Variants in TRABD2B observed in about 807,000 individuals in gnomAD.
TRABD2B encodes the protein TraB domain containing 2B.
TRABD2B carries 14 observed loss-of-function variants against 40.1 expected under a neutral mutation model. The observed-to-expected ratio is 0.35, with a 90% CI of 0.23 to 0.55. The LOEUF is 0.55. Among genes scored for constraint, TRABD2B ranks in the 20% least tolerant of loss-of-function variants. The pLI is 0.90. For synonymous variants in TRABD2B, 263 were observed against 277.0 expected (o/e 0.95, Z 0.50); for missense variants, 541 against 648.6 (o/e 0.83, Z 1.80).
chr1:47,955,553 T>G (rs924544456), intron 2 of TRABD2B, among the ~76,000 whole-genome samples: 1 of 152,180 alleles, frequency 6.6e-6, no homozygotes, highest in Non-Finnish European at 1.5e-5. Context: ...CATCACTTCA[T>G]TCCAAACACA....
At chr1:47,983,254 C>G (rs1475488834) in intron 2 of TRABD2B, among the ~76,000 whole-genome samples, 1 of 152,160 alleles carries the variant, frequency 6.6e-6, no homozygotes, top group Admixed American at 6.5e-5. Flanking sequence ...ACTGCATGTT[C>G]TCACTTCCAA....
intron 2 of TRABD2B, among the ~76,000 whole-genome samples, chr1:47,944,518 T>C (rs950578269): frequency 3.9e-5 from 6 of 152,084 alleles, no homozygotes; most frequent in South Asian, 2.1e-4. Flanking sequence ...AAGGAAAAAG[T>C]TGACTGTAGT....
chr1:47,817,904 G>A (rs144493957), intron 2 of TRABD2B, among the ~76,000 whole-genome samples: 1,651 of 152,302 alleles, frequency 0.011, 26 homozygotes, highest in African/African-American at 0.037. Context: ...CTCCACCCCC[G>A]TTTGAAGGGG....
chr1:47,973,400 C>T (rs2148427500), intron 2 of TRABD2B, among the ~76,000 whole-genome samples: 1 of 152,344 alleles, frequency 6.6e-6, no homozygotes, highest in African/African-American at 2.4e-5. Flanking sequence ...ATTCTAATCT[C>T]ACCAGGTAGA....
chr1:47,909,164 C>G (rs969406884), intron 2 of TRABD2B, among the ~76,000 whole-genome samples: 3 of 152,204 alleles, frequency 2.0e-5, no homozygotes, highest in Admixed American at 6.5e-5. Context: ...TGGACACGTT[C>G]TAATTTTCTC....
intron 2 of TRABD2B, chr1:47,819,968 A>G (rs1306960222): frequency 6.6e-6 from 1 of 152,160 alleles, no homozygotes; most frequent in African/African-American, 2.4e-5. Context: ...TTTCTCAATA[A>G]GGTCCACTCA....
intron 6 of TRABD2B, among the ~76,000 whole-genome samples, chr1:47,771,175 G>A (rs1557553083): frequency 6.6e-6 from 1 of 152,216 alleles, no homozygotes; most frequent in South Asian, 2.1e-4. Flanking sequence ...GACTGGCTGT[G>A]CTATGGGGAA....
At chr1:47,905,661 C>T (rs1644666624) in intron 2 of TRABD2B, among the ~76,000 whole-genome samples, 1 of 152,154 alleles carries the variant, frequency 6.6e-6, no homozygotes, top group African/African-American at 2.4e-5. Context: ...TGACATTCTC[C>T]TTTTCTCTCT....
chr1:47,944,375 G>A (rs959385955), intron 2 of TRABD2B, among the ~76,000 whole-genome samples: 1 of 152,166 alleles, frequency 6.6e-6, no homozygotes, highest in African/African-American at 2.4e-5. Flanking sequence ...ATGAAGTAAA[G>A]ACCAATGGGA....
chr1:47,906,622 C>T (rs1450055134), intron 2 of TRABD2B, among the ~76,000 whole-genome samples: 1 of 152,216 alleles, frequency 6.6e-6, no homozygotes, highest in Non-Finnish European at 1.5e-5. Flanking sequence ...ACGGGTAATA[C>T]TGCAACCCTG....
intron 2 of TRABD2B, among the ~76,000 whole-genome samples, chr1:47,812,832 T>C (rs894375486): frequency 7.2e-5 from 11 of 152,140 alleles, no homozygotes; most frequent in African/African-American, 1.9e-4. Context: ...CATTCAGTAG[T>C]GGAGGGTCTT....
chr1:47,908,944 G>A (rs1000059633), intron 2 of TRABD2B, among the ~76,000 whole-genome samples: 27 of 152,292 alleles, frequency 1.8e-4, no homozygotes, highest in African/African-American at 6.0e-4. Flanking sequence ...AATCTAGGAC[G>A]GCTGACAAGG....
At chr1:47,874,290 G>C (rs1387730726) in intron 2 of TRABD2B, among the ~76,000 whole-genome samples, 3 of 118,944 alleles carry the variant, frequency 2.5e-5, no homozygotes, top group Admixed American at 1.2e-4. Flanking sequence ...ACGGAGTCTC[G>C]CTCTGTCGCC....
At chr1:47,833,393 T>C (rs940681603) in intron 2 of TRABD2B, among the ~76,000 whole-genome samples, 2 of 152,314 alleles carry the variant, frequency 1.3e-5, no homozygotes, top group Middle Eastern at 6.8e-3. Context: ...AGGTTGAAAT[T>C]TAAAAACTAA....
chr1:47,794,007 T>A (rs1644710954), intron 4 of TRABD2B, among the ~76,000 whole-genome samples: 1 of 152,280 alleles, frequency 6.6e-6, no homozygotes, highest in Non-Finnish European at 1.5e-5. Flanking sequence ...TTTGAGTTCC[T>A]ACTATGTGGC....
At chr1:47,877,700 A>G (rs1213732450) in intron 2 of TRABD2B, among the ~76,000 whole-genome samples, 1 of 152,226 alleles carries the variant, frequency 6.6e-6, no homozygotes, top group African/African-American at 2.4e-5. Context: ...AAATAACCTA[A>G]AAGTCAATTA....
chr1:47,971,103 G>A (rs1398994582), intron 2 of TRABD2B, among the ~76,000 whole-genome samples: 2 of 152,216 alleles, frequency 1.3e-5, no homozygotes, highest in Non-Finnish European at 2.9e-5. Flanking sequence ...CACGGTAAAA[G>A]AAATCAGGCT....
At chr1:47,978,225 A>G (rs1243337258) in intron 2 of TRABD2B, among the ~76,000 whole-genome samples, 1 of 152,174 alleles carries the variant, frequency 6.6e-6, no homozygotes. Context: ...AAATACACAG[A>G]GACATGGCAC....
chr1:47,784,586 T>C (rs1644569773), intron 4 of TRABD2B, among the ~76,000 whole-genome samples: 1 of 152,192 alleles, frequency 6.6e-6, no homozygotes, highest in East Asian at 1.9e-4. Context: ...CGTCTGAAAT[T>C]AATGCAAGGG....
Sources: gnomAD v4.1 joint callset for allele counts (sites outside exome capture counted in the v4.1 genomes callset) on GRCh38, gnomAD v4.1.1 for gene constraint, MANE v1.5 for transcripts, NCBI Gene and HGNC (gene_info 2026-07-23, HGNC 2026-07-21) for gene names.